The following CCL28 variants were observed in gnomAD, a reference collection of about 807,000 sequenced individuals.
CCL28 encodes the protein C-C motif chemokine ligand 28, also known as C-C motif chemokine 28.
A neutral mutation model predicts 7.1 loss-of-function variants in CCL28; 4 were observed. The observed-to-expected ratio is 0.56, with a 90% confidence interval of 0.28 to 1.29. The LOEUF (loss-of-function observed/expected upper bound fraction) is 1.29. Ranked by LOEUF, CCL28 falls within the 50% of genes most tolerant of loss-of-function variation. The probability of loss-of-function intolerance (pLI) is 0.11; values close to 1 mark genes in which losing one functional copy is unlikely to be tolerated. For synonymous variants in CCL28, 55 were observed against 57.8 expected (o/e 0.95, Z 0.22); for missense variants, 151 against 163.4 (o/e 0.92, Z 0.41).
rs1299315798 is a variant in CCL28, at chr5:43,381,600, TC to T, written c.*259del. ...GTCTCAAACTCCTGGTCTCAAGTGA[TC>T]CTCCTGCCTCAGCCTCCCGAAGTGC... On this transcript the variant is annotated 3_prime_UTR_variant, in exon 3 of 3. Coordinates refer to ENST00000361115, the MANE Select transcript of CCL28 (RefSeq NM_148672.3). The T allele has an allele frequency of 6.1e-6, 2 of 327,910 alleles. No homozygotes were observed. Among genetic ancestry groups the T allele is most frequent in the Admixed American group, 9.6e-5 (2 of 20,934 alleles). 20.3% of individuals were successfully genotyped at this position (327,910 alleles called of 1,614,324 possible).
In CCL28 at chr5:43,381,817, G is replaced by T; in HGVS notation, c.*43C>A. 1 of 1,494,346 alleles carries T rather than the reference G, an allele frequency of 6.7e-7. No individual in the cohort carries two copies. The highest frequency in any genetic ancestry group is 9.2e-7 in the Non-Finnish European group (1 of 1,087,696). 92.6% of individuals were successfully genotyped at this position (1,494,346 alleles called of 1,614,324 possible). ...TAAACTTACAACCAATCATGGCCAAGTCCACTTGAGGAATTGTCTCTGTAG... is the reference window on the plus strand; with the variant it reads ...TAAACTTACAACCAATCATGGCCAATTCCACTTGAGGAATTGTCTCTGTAG... On this transcript the variant is annotated 3_prime_UTR_variant, in exon 3 of 3. Transcript: ENST00000361115.
intron 1 of CCL28, among the ~76,000 whole-genome samples, chr5:43,404,804 G>T (rs1260241951): frequency 6.6e-6 from 1 of 152,022 alleles, no homozygotes; most frequent in Non-Finnish European, 1.5e-5. Flanking sequence ...CAAAATAAAG[G>T]GATGAAGGAA....
intron 1 of CCL28, among the ~76,000 whole-genome samples, chr5:43,397,619 G>A (rs956295414): frequency 2.0e-5 from 3 of 152,106 alleles, no homozygotes; most frequent in Admixed American, 6.6e-5. Flanking sequence ...ATGCAAAAAA[G>A]TCTATGATTA....
At chr5:43,369,804 T>A in the CCL28 span, among the ~76,000 whole-genome samples, 3 of 152,188 alleles carry the variant, frequency 2.0e-5, no homozygotes, top group East Asian at 3.8e-4. Context: ...CCTCCTGGTA[T>A]ACAGTCCCTT....
At chr5:43,403,467 A>G (rs1161884109) in intron 1 of CCL28, among the ~76,000 whole-genome samples, 2 of 152,188 alleles carry the variant, frequency 1.3e-5, no homozygotes, top group African/African-American at 4.8e-5. Flanking sequence ...TCAGAAGGAA[A>G]ACTAACAAAC....
chr5:43,406,037 G>A (rs1296500735), intron 1 of CCL28, among the ~76,000 whole-genome samples: 1 of 151,998 alleles, frequency 6.6e-6, no homozygotes, highest in African/African-American at 2.4e-5. Context: ...TCCAGGACCA[G>A]ATGGATTCAC....
the CCL28 span, among the ~76,000 whole-genome samples, chr5:43,364,481 ATG>A: frequency 6.6e-6 from 1 of 152,196 alleles, no homozygotes; most frequent in East Asian, 1.9e-4. Flanking sequence ...TATAATTACA[ATG>A]TGTTGATAAA....
downstream of CCL28, among the ~76,000 whole-genome samples, chr5:43,374,309 T>C (rs552683544): frequency 1.3e-5 from 2 of 152,282 alleles, no homozygotes; most frequent in Non-Finnish European, 2.9e-5. Flanking sequence ...CTGTCAGGAA[T>C]AGTGAGGAAG....
At position 43,412,389 on chromosome 5, in the gene CCL28, C is replaced by A; in HGVS notation, c.-73G>T. The A allele has an allele frequency of 7.2e-7, 1 of 1,398,208 alleles. No individual in the cohort carries two copies. Among genetic ancestry groups the A allele is most frequent in the East Asian group, 2.4e-5 (1 of 42,284 alleles). 86.6% of individuals were successfully genotyped at this position (1,398,208 alleles called of 1,614,324 possible). ...GATCAGGAAATGAGGCTAAAGGTGT[C>A]CTTGGGCACAGAGAAAGTGCAGAGG... On this transcript the variant is annotated 5_prime_UTR_variant, in exon 1 of 3. Coordinates refer to ENST00000361115, the MANE Select transcript of CCL28 (RefSeq NM_148672.3).
intron 2 of CCL28, among the ~76,000 whole-genome samples, chr5:43,387,321 T>C (rs1369904640): frequency 6.6e-6 from 1 of 152,242 alleles, no homozygotes; most frequent in African/African-American, 2.4e-5. Flanking sequence ...CTTTCTCCTG[T>C]GTATGATTGG....
chr5:43,382,970 C>T (rs1740183525), intron 2 of CCL28, among the ~76,000 whole-genome samples: 1 of 151,918 alleles, frequency 6.6e-6, no homozygotes, highest in Admixed American at 6.6e-5. Flanking sequence ...AGGTGTGCAC[C>T]ACCACACCTG....
intron 2 of CCL28, among the ~76,000 whole-genome samples, chr5:43,387,280 A>G (rs1322417119): frequency 6.6e-6 from 1 of 152,240 alleles, no homozygotes; most frequent in Non-Finnish European, 1.5e-5. Context: ...CACGAGCTGT[A>G]CACAAGTGAA....
downstream of CCL28, among the ~76,000 whole-genome samples, chr5:43,375,379 A>C (rs1185094437): frequency 6.7e-6 from 1 of 148,348 alleles, no homozygotes; most frequent in African/African-American, 2.5e-5. Context: ...AAAAAAAAAA[A>C]AAAAAAAAGG....
chr5:43,360,352 A>G, the CCL28 span, among the ~76,000 whole-genome samples: 1 of 152,028 alleles, frequency 6.6e-6, no homozygotes, highest in Non-Finnish European at 1.5e-5. Flanking sequence ...TTTGTTGTAC[A>G]GATTATTTTG....
intron 2 of CCL28, 94 bp from the exon 3 acceptor site, chr5:43,382,146 G>T: frequency 3.7e-6 from 4 of 1,090,634 alleles, no homozygotes; most frequent in African/African-American, 3.2e-5. Flanking sequence ...TTGGGACACT[G>T]TATTCCTAGA....
downstream of CCL28, among the ~76,000 whole-genome samples, chr5:43,372,803 T>C (rs1374892197): frequency 1.3e-5 from 2 of 151,678 alleles, no homozygotes; most frequent in Middle Eastern, 3.4e-3. Flanking sequence ...TTATCTGACT[T>C]TATTTTATTT....
At chr5:43,412,025 C>T (rs532402573) in intron 1 of CCL28, among the ~76,000 whole-genome samples, 1 of 152,326 alleles carries the variant, frequency 6.6e-6, no homozygotes, top group Non-Finnish European at 1.5e-5. Flanking sequence ...CCTCATCCTC[C>T]AGGTGGCAAA....
At chr5:43,372,935 A>T (rs971493334), downstream of CCL28, among the ~76,000 whole-genome samples, 7 of 151,146 alleles carry the variant, frequency 4.6e-5, no homozygotes, top group African/African-American at 1.7e-4. Context: ...AGAACCTGGG[A>T]TTACAGTTGC....
Position 43,388,372 on chromosome 5 carries a change from C to A in CCL28, c.169G>T (p.Asp57Tyr). The change falls in exon 2 of 3, where the codon GAT (aspartate) becomes TAT (tyrosine). Residue 57 changes from aspartate to tyrosine, a missense_variant. Physicochemically the swap from Asp to Tyr is radical, Grantham distance 160. Transcript: ENST00000361115. ...CACATGACAGCAGCCAAGTCACAAT[C>A]CCCATCAGCTCTCTGGATGCGACAC... ...NMCRIQRADG[D>Y]CDLAAVILHV... 6.2e-7 allele frequency: 1 copy of A among 1,614,180 alleles called. No individual in the cohort carries two copies. Among genetic ancestry groups the A allele is most frequent in the South Asian group, 1.1e-5 (1 of 91,080 alleles).
Sources: allele counts gnomAD v4.1 joint callset (sites outside exome capture counted in the v4.1 genomes callset), GRCh38; gene constraint gnomAD v4.1.1; transcripts MANE v1.5; gene names NCBI Gene and HGNC (gene_info 2026-07-23, HGNC 2026-07-21).